Variants in VPS13B observed in about 807,000 individuals in gnomAD.
VPS13B encodes vacuolar protein sorting 13 homolog B.
A neutral mutation model predicts 426.4 loss-of-function variants in VPS13B; 285 were observed. The observed-to-expected ratio is 0.67, with a 90% CI of 0.61 to 0.74. The LOEUF is 0.74. Ranked by LOEUF, VPS13B falls within the 30% of genes least tolerant of loss-of-function variation. The pLI is 0.00. For missense variants in VPS13B, 4,537 were observed against 4,782.6 expected (o/e 0.95, Z 1.51); for synonymous variants, 1,676 against 1,676.4 (o/e 1.00, Z 0.01).
chr8:99,418,872 C>G (rs1387084702), intron 21 of VPS13B, among the ~76,000 whole-genome samples: 1 of 152,236 alleles, frequency 6.6e-6, no homozygotes, highest in African/African-American at 2.4e-5. Flanking sequence ...TTGCGCTCTT[C>G]TAGATGGCTT....
At chr8:99,631,728 A>T (rs1486691401) in intron 33 of VPS13B, among the ~76,000 whole-genome samples, 3 of 151,982 alleles carry the variant, frequency 2.0e-5, no homozygotes, top group East Asian at 3.9e-4. Flanking sequence ...TGTGTGTTTT[A>T]TATATACATA....
rs1329718957 is a variant in VPS13B at position 99,293,585 on chromosome 8, T to C, written c.2824+18331T>C. 1.7e-4 allele frequency among the ~76,000 whole-genome samples: 21 copies of C among 123,746 alleles called. 1 individual carries two copies. The highest frequency in any genetic ancestry group is 2.7e-4 in the Non-Finnish European group (16 of 59,148). The allele number at this position is 123,746 out of a possible 152,430, so 81.2% of individuals were successfully genotyped here. A position where few individuals can be genotyped will look rare whatever the true frequency, so the allele number is the denominator to read the frequency against. On this transcript the variant is annotated intron_variant, in intron 19 of 61. Transcript: ENST00000357162. ...AGAGCTTCTGCACAGCAAAAGAAAC[T>C]ACCATCAGAGTGAACAGGCAACCTA...
At position 99,013,311 on chromosome 8, in the gene VPS13B, A is replaced by C. The variant is rs1430264361; in HGVS notation, c.-66A>C. 8.4e-6 allele frequency: 2 copies of C among 238,552 alleles called. No individual in the cohort carries two copies. The highest frequency in any genetic ancestry group is 2.1e-4 in the East Asian group (2 of 9,306). The allele number at this position is 238,552 out of a possible 1,614,324, so 14.8% of individuals were successfully genotyped here. On this transcript the variant is annotated 5_prime_UTR_variant, in exon 1 of 62. Coordinates refer to ENST00000357162, the MANE Select transcript of VPS13B (RefSeq NM_152564.5). ...CTGCCGGCGGGGGCGGGTGCCAGGG[A>C]CTTGGAGGTGGAGGGGACGCGGCGG...
At position 99,013,806 on chromosome 8, in the gene VPS13B, A is replaced by T. The variant is rs1490457051; in HGVS notation, c.18A>T (p.Val6=). The T allele has an allele frequency of 6.2e-6, 10 of 1,614,108 alleles. No individual in the cohort carries two copies. The highest frequency in any genetic ancestry group is 6.8e-6 in the Non-Finnish European group (8 of 1,180,048). The change falls in exon 2 of 62, where the codon GTA becomes GTT. Residue 6 remains valine (V), a synonymous_variant. Coordinates refer to ENST00000357162, the MANE Select transcript of VPS13B (RefSeq NM_152564.5). ...CTTAAAAGATGCTGGAGTCATATGT[A>T]ACTCCAATTTTAATGAGCTATGTGA... MLESY[V]TPILMSYVNR...
intron 39 of VPS13B, among the ~76,000 whole-genome samples, chr8:99,763,616 A>T (rs1038303479): frequency 6.6e-6 from 1 of 152,134 alleles, no homozygotes; most frequent in African/African-American, 2.4e-5. Context: ...GTGGTATTCT[A>T]TTTGGTTATG....
At chr8:99,777,499 AC>A (rs1233692916) in intron 41 of VPS13B, among the ~76,000 whole-genome samples, 1 of 152,120 alleles carries the variant, frequency 6.6e-6, no homozygotes, top group African/African-American at 2.4e-5. Context: ...TACAGGAAAG[AC>A]CTGCCCCACT....
At chr8:99,504,173 A>G (rs1030305130) in intron 27 of VPS13B, among the ~76,000 whole-genome samples, 2 of 152,118 alleles carry the variant, frequency 1.3e-5, no homozygotes, top group Non-Finnish European at 2.9e-5. Flanking sequence ...AGAGCATAGC[A>G]TCTCCCTGCT....
intron 2 of VPS13B, among the ~76,000 whole-genome samples, chr8:99,020,286 G>A (rs1220906385): frequency 1.3e-5 from 2 of 151,960 alleles, no homozygotes; most frequent in African/African-American, 4.8e-5. Context: ...GTCTTCTTTG[G>A]AGAAATGCCT....
At chr8:99,030,461 A>AGTGTGTGTGTGT (rs34944940) in intron 2 of VPS13B, among the ~76,000 whole-genome samples, 33 of 144,880 alleles carry the variant, frequency 2.3e-4, no homozygotes, top group Admixed American at 4.1e-4. Context: ...TGAGTGAGTG[A>AGTGTGTGTGTGT]GTGTGTGTGT....
chr8:99,584,422 A>C (rs898904557), intron 33 of VPS13B, among the ~76,000 whole-genome samples: 38 of 152,194 alleles, frequency 2.5e-4, no homozygotes, highest in African/African-American at 9.2e-4. Flanking sequence ...AAATCCAGTA[A>C]ATGCGTTAAG....
At chr8:99,697,937 G>T in intron 35 of VPS13B, 1 of 429,680 alleles carries the variant, frequency 2.3e-6, no homozygotes, top group South Asian at 2.0e-5. Flanking sequence ...CAGCCAGGTG[G>T]CCAAGATTGT....
At chr8:99,676,385 TG>T (rs897732866) in intron 35 of VPS13B, among the ~76,000 whole-genome samples, 3 of 152,098 alleles carry the variant, frequency 2.0e-5, no homozygotes, top group African/African-American at 7.2e-5. Flanking sequence ...TATGGGATCC[TG>T]CCTAGCACTG....
chr8:99,266,457 T>A (rs2132966689), intron 17 of VPS13B, among the ~76,000 whole-genome samples: 1 of 152,054 alleles, frequency 6.6e-6, no homozygotes, highest in Non-Finnish European at 1.5e-5. Context: ...ACCACAGGAC[T>A]AAGATTATGT....
At chr8:99,412,035 C>G (rs962913986) in intron 21 of VPS13B, among the ~76,000 whole-genome samples, 1 of 152,120 alleles carries the variant, frequency 6.6e-6, no homozygotes, top group African/African-American at 2.4e-5. Flanking sequence ...TATGCGGGCT[C>G]TTTTGCAGTT....
chr8:99,390,870 A>G lies in VPS13B; in HGVS notation c.2935-687A>G, dbSNP rs1012023824. Among the ~76,000 whole-genome samples the G allele has an allele frequency of 3.3e-5, 5 of 152,176 alleles. No individual in the cohort carries two copies. The East Asian group carries it at 7.7e-4, about 23-fold the overall frequency. On this transcript the variant is annotated intron_variant, in intron 20 of 61. Coordinates refer to ENST00000357162, the MANE Select transcript of VPS13B (RefSeq NM_152564.5). Reference sequence around the variant, plus strand: ...ATCATCATCAGTAACATCAGACTTTATTTCAGTGAATAAAGATGAAACAGC... The same window carrying G: ...ATCATCATCAGTAACATCAGACTTTGTTTCAGTGAATAAAGATGAAACAGC...
chr8:99,277,630 A>G (rs1414313237), intron 19 of VPS13B, among the ~76,000 whole-genome samples: 1 of 152,188 alleles, frequency 6.6e-6, no homozygotes, highest in African/African-American at 2.4e-5. Flanking sequence ...CACTGTATCT[A>G]AATTTCTCTC....
intron 3 of VPS13B, among the ~76,000 whole-genome samples, chr8:99,053,288 C>T (rs746742521): frequency 6.6e-5 from 10 of 152,020 alleles, no homozygotes; most frequent in African/African-American, 9.7e-5. Flanking sequence ...TATCCCTCCC[C>T]GCTCCCCGCA....
chr8:99,734,440 A>G (rs999387888), intron 39 of VPS13B, among the ~76,000 whole-genome samples: 1 of 152,246 alleles, frequency 6.6e-6, no homozygotes, highest in Non-Finnish European at 1.5e-5. Context: ...TCTAAGCTTC[A>G]TGAAACAAAT....
chr8:99,447,981 C>T (rs2133453206), intron 23 of VPS13B, among the ~76,000 whole-genome samples: 1 of 151,822 alleles, frequency 6.6e-6, no homozygotes, highest in East Asian at 1.9e-4. Flanking sequence ...CTCCTGCCAA[C>T]ATCTACTGCT....
Sources: allele counts gnomAD v4.1 joint callset (sites outside exome capture counted in the v4.1 genomes callset), GRCh38; gene constraint gnomAD v4.1.1; transcripts MANE v1.5; gene names NCBI Gene and HGNC (gene_info 2026-07-23, HGNC 2026-07-21).